The following CDC42SE2 variants were observed in gnomAD, a reference collection of about 807,000 sequenced individuals.
CDC42SE2 encodes the protein CDC42 small effector 2.
CDC42SE2 carries 3 observed loss-of-function variants against 11.5 expected under a neutral mutation model. That is an observed-to-expected ratio of 0.26 (90% CI 0.12 to 0.67). The LOEUF (loss-of-function observed/expected upper bound fraction) is 0.67. Among genes scored for constraint, CDC42SE2 ranks in the 30% least tolerant of loss-of-function variants. The pLI is 0.80. For synonymous variants in CDC42SE2, 33 were observed against 34.8 expected (o/e 0.95, Z 0.18); for missense variants, 82 against 106.8 (o/e 0.77, Z 1.02).
intron 4 of CDC42SE2, among the ~76,000 whole-genome samples, chr5:131,389,017 G>A (rs1001529735): frequency 6.6e-6 from 1 of 151,896 alleles, no homozygotes; most frequent in Non-Finnish European, 1.5e-5. Flanking sequence ...TATTTTTTTT[G>A]TAGAGATGGG....
At chr5:131,248,475 C>G (rs1726255721) in intron 1 of CDC42SE2, among the ~76,000 whole-genome samples, 1 of 152,060 alleles carries the variant, frequency 6.6e-6, no homozygotes, top group Admixed American at 6.6e-5. Flanking sequence ...GATGAAGATT[C>G]CCCTGTCATT....
intron 1 of CDC42SE2, among the ~76,000 whole-genome samples, chr5:131,293,781 T>TA (rs1421079578): frequency 6.6e-6 from 1 of 152,202 alleles, no homozygotes; most frequent in Non-Finnish European, 1.5e-5. Context: ...TGTAAAGTAT[T>TA]ACCTTCTCCC....
At chr5:131,229,759 C>T in the CDC42SE2 span, among the ~76,000 whole-genome samples, 1 of 152,096 alleles carries the variant, frequency 6.6e-6, no homozygotes, top group East Asian at 1.9e-4. Flanking sequence ...CATGGGGAAA[C>T]CCCATCTCTA....
intron 1 of CDC42SE2, among the ~76,000 whole-genome samples, chr5:131,296,962 C>G (rs1030271): frequency 0.24 from 36,587 of 151,824 alleles, 5,846 homozygotes; most frequent in Non-Finnish European, 0.37. Flanking sequence ...CTTAATAACT[C>G]CAACCTAAGA....
chr5:131,302,591 C>T (rs1229188225), intron 1 of CDC42SE2, among the ~76,000 whole-genome samples: 1 of 152,162 alleles, frequency 6.6e-6, no homozygotes, highest in Non-Finnish European at 1.5e-5. Context: ...TCTGGGATTA[C>T]AGGCCTGAGC....
chr5:131,218,514 C>T, the CDC42SE2 span, among the ~76,000 whole-genome samples: 1 of 152,160 alleles, frequency 6.6e-6, no homozygotes. Context: ...TATCCTATGA[C>T]TCAGCACTTG....
chr5:131,285,803 G>C (rs1580731598), intron 1 of CDC42SE2, among the ~76,000 whole-genome samples: 1 of 152,146 alleles, frequency 6.6e-6, no homozygotes, highest in Non-Finnish European at 1.5e-5. Context: ...CTGGTAAGTA[G>C]TCATAGGAAC....
intron 1 of CDC42SE2, among the ~76,000 whole-genome samples, chr5:131,272,309 C>T (rs1757009916): frequency 6.6e-6 from 1 of 152,122 alleles, no homozygotes; most frequent in South Asian, 2.1e-4. Context: ...GCGTGAGCCA[C>T]TGCACCTGGC....
intron 1 of CDC42SE2, among the ~76,000 whole-genome samples, chr5:131,246,454 C>CA (rs780763217): frequency 7.7e-4 from 117 of 151,700 alleles, no homozygotes; most frequent in Non-Finnish European, 1.3e-3. Context: ...AGCTCTGTCC[C>CA]AAAAAAATAA....
At chr5:131,259,229 A>AT (rs1352102367), upstream of CDC42SE2, among the ~76,000 whole-genome samples, 1 of 152,088 alleles carries the variant, frequency 6.6e-6, no homozygotes, top group Non-Finnish European at 1.5e-5. Context: ...GTACCTTATA[A>AT]TTTTTTTGGT....
At chr5:131,362,132 C>G (rs1003857950) in intron 3 of CDC42SE2, among the ~76,000 whole-genome samples, 1 of 152,066 alleles carries the variant, frequency 6.6e-6, no homozygotes, top group South Asian at 2.1e-4. Context: ...TTTCTCTACC[C>G]AGCACTTCCC....
chr5:131,238,496 C>T, the CDC42SE2 span, among the ~76,000 whole-genome samples: 3 of 121,272 alleles, frequency 2.5e-5, no homozygotes, highest in African/African-American at 7.9e-5. Flanking sequence ...AAGCCAGACT[C>T]GTCTAAAAAA....
the CDC42SE2 span, among the ~76,000 whole-genome samples, chr5:131,212,897 A>T: frequency 1.9e-4 from 29 of 152,218 alleles, no homozygotes; most frequent in Admixed American, 5.2e-4. Flanking sequence ...GTATAAAAAA[A>T]AATAATAATC....
At chr5:131,271,615 A>ACCGAG (rs1271118079) in intron 1 of CDC42SE2, among the ~76,000 whole-genome samples, 2 of 152,184 alleles carry the variant, frequency 1.3e-5, no homozygotes, top group African/African-American at 4.8e-5. Context: ...ACCCATGGAT[A>ACCGAG]CCGAGGGATG....
chr5:131,271,610 T>C (rs559206794), intron 1 of CDC42SE2, among the ~76,000 whole-genome samples: 262 of 152,286 alleles, frequency 1.7e-3, no homozygotes, highest in African/African-American at 5.7e-3. Flanking sequence ...CAATCACCCA[T>C]GGATACCGAG....
intron 1 of CDC42SE2, among the ~76,000 whole-genome samples, chr5:131,268,820 G>T (rs1042367756): frequency 1.0e-4 from 14 of 136,114 alleles, no homozygotes; most frequent in Non-Finnish European, 1.5e-4. Flanking sequence ...GTCCCATCTC[G>T]GCTTACTGCA....
chr5:131,234,999 C>T, the CDC42SE2 span, among the ~76,000 whole-genome samples: 177 of 151,644 alleles, frequency 1.2e-3, no homozygotes, highest in African/African-American at 4.2e-3. Context: ...AGTGATTCTC[C>T]TGCCTCAGCC....
intron 3 of CDC42SE2, among the ~76,000 whole-genome samples, chr5:131,361,073 GT>G (rs575227658): frequency 0.04 from 5,099 of 125,978 alleles, 286 homozygotes; most frequent in African/African-American, 0.13. Context: ...TTGTTTGTTT[GT>G]TTTTTTTTTT....
At chr5:131,339,702 T>C (rs1580765223) in intron 2 of CDC42SE2, among the ~76,000 whole-genome samples, 1 of 150,986 alleles carries the variant, frequency 6.6e-6, no homozygotes, top group East Asian at 2.0e-4. Flanking sequence ...CCCAGCTACT[T>C]GTGAGGCTGA....
Sources: gnomAD v4.1 joint callset for allele counts (sites outside exome capture counted in the v4.1 genomes callset) on GRCh38, gnomAD v4.1.1 for gene constraint, MANE v1.5 for transcripts, NCBI Gene and HGNC (gene_info 2026-07-23, HGNC 2026-07-21) for gene names.